CNTN4: variants seen among roughly 807,000 people sequenced by gnomAD.
CNTN4 encodes the protein contactin-4.
CNTN4 carries 77 observed loss-of-function variants against 122.5 expected under a neutral mutation model. The observed-to-expected ratio is 0.63, with a 90% CI of 0.52 to 0.76. The LOEUF (loss-of-function observed/expected upper bound fraction) is 0.76, where lower values mean the gene tolerates loss of function less well. Among genes scored for constraint, CNTN4 ranks in the 30% least tolerant of loss-of-function variants. CNTN4 has a pLI of 0.00. For synonymous variants in CNTN4, 512 were observed against 447.0 expected, an observed-to-expected ratio of 1.15 and a Z score of -1.83; for missense variants, 1,256 against 1,259.1, an observed-to-expected ratio of 1.00 and a Z score of 0.04.
intron 13 of CNTN4, among the ~76,000 whole-genome samples, chr3:2,987,317 A>G (rs1694670517): frequency 1.3e-5 from 2 of 152,224 alleles, no homozygotes; most frequent in East Asian, 1.9e-4. Flanking sequence ...TCAGAATGCA[A>G]TGGCAGAGCC....
At chr3:2,806,791 T>C (rs1487070192) in intron 6 of CNTN4, among the ~76,000 whole-genome samples, 1 of 152,148 alleles carries the variant, frequency 6.6e-6, no homozygotes, top group African/African-American at 2.4e-5. Context: ...CTTCACGTCC[T>C]TCTTGGCAGC....
At chr3:2,657,776 A>T (rs1171590825) in intron 4 of CNTN4, among the ~76,000 whole-genome samples, 1 of 151,932 alleles carries the variant, frequency 6.6e-6, no homozygotes, top group African/African-American at 2.4e-5. Context: ...TAGAGAAAAA[A>T]TATATATGTT....
chr3:2,557,624 G>T (rs925023263), intron 3 of CNTN4, among the ~76,000 whole-genome samples: 2 of 151,984 alleles, frequency 1.3e-5, no homozygotes, highest in Non-Finnish European at 2.9e-5. Flanking sequence ...AGCTACTCAG[G>T]AAGCTGAGGC....
At chr3:2,838,876 T>G (rs1050407330) in intron 7 of CNTN4, among the ~76,000 whole-genome samples, 1 of 152,178 alleles carries the variant, frequency 6.6e-6, no homozygotes, top group Non-Finnish European at 1.5e-5. Flanking sequence ...ACCGACCGCT[T>G]TTGCTTTTAT....
chr3:2,415,117 C>T (rs1425320412), intron 3 of CNTN4, among the ~76,000 whole-genome samples: 2 of 152,182 alleles, frequency 1.3e-5, no homozygotes, highest in Non-Finnish European at 1.5e-5. Flanking sequence ...GGTATTCTGA[C>T]TTCTCAGTTG....
At chr3:2,611,297 C>CAAAAAA (rs201162114) in intron 4 of CNTN4, among the ~76,000 whole-genome samples, 2 of 62,340 alleles carry the variant, frequency 3.2e-5, no homozygotes, top group Non-Finnish European at 5.7e-5. Flanking sequence ...CACCTGGAAC[C>CAAAAAA]AAAAAAAAAA....
intron 3 of CNTN4, among the ~76,000 whole-genome samples, chr3:2,559,278 G>A (rs1419124839): frequency 6.6e-6 from 1 of 152,136 alleles, no homozygotes; most frequent in East Asian, 1.9e-4. Context: ...TGCAGAGAAT[G>A]GCAAACTTCG....
chr3:2,227,657 T>G (rs1163873869), intron 2 of CNTN4, among the ~76,000 whole-genome samples: 1 of 152,000 alleles, frequency 6.6e-6, no homozygotes, highest in Non-Finnish European at 1.5e-5. Flanking sequence ...CAGAGAAGAG[T>G]GGCCAGCATG....
intron 14 of CNTN4, among the ~76,000 whole-genome samples, chr3:3,010,364 A>G (rs933867272): frequency 6.6e-6 from 1 of 151,924 alleles, no homozygotes; most frequent in African/African-American, 2.4e-5. Context: ...CTGCCAGTTT[A>G]GGATTCAGGG....
In CNTN4 at chr3:2,628,361, G is replaced by T. The variant is rs565695390; in HGVS notation, c.55+56803G>T. On this transcript the variant is annotated intron_variant, in intron 4 of 24. Transcript: ENST00000418658. ...GGAGGCCGTAGCTGTGTGTGTGTGA[G>T]CTGGAGTAGGACACCTTAAGGGAAA... Among the ~76,000 whole-genome samples the T allele has an allele frequency of 3.5e-4, 54 of 152,334 alleles. 1 individual carries two copies. Among genetic ancestry groups the T allele is most frequent in the Non-Finnish European group, 6.0e-4 (41 of 68,036 alleles).
intron 4 of CNTN4, among the ~76,000 whole-genome samples, chr3:2,638,608 G>C (rs948805708): frequency 1.3e-5 from 2 of 151,872 alleles, no homozygotes; most frequent in African/African-American, 4.8e-5. Flanking sequence ...CTCAAAAACT[G>C]TATCAGAGTG....
At chr3:2,443,151 A>G (rs1477014673) in intron 3 of CNTN4, among the ~76,000 whole-genome samples, 1 of 83,778 alleles carries the variant, frequency 1.2e-5, no homozygotes, top group Non-Finnish European at 3.3e-5. Flanking sequence ...TAAAAGTTAA[A>G]AAAAAAAAAA....
At chr3:2,327,367 C>G (rs2043507240) in intron 2 of CNTN4, among the ~76,000 whole-genome samples, 1 of 152,092 alleles carries the variant, frequency 6.6e-6, no homozygotes. Context: ...TTATTTCATC[C>G]TCCTTATGCT....
intron 3 of CNTN4, among the ~76,000 whole-genome samples, chr3:2,497,043 GC>G (rs2076471325): frequency 6.6e-6 from 1 of 152,138 alleles, no homozygotes; most frequent in African/African-American, 2.4e-5. Context: ...GGTGATGCCT[GC>G]CCACATTGAT....
chr3:2,189,807 T>A (rs1276126989), intron 2 of CNTN4, among the ~76,000 whole-genome samples: 1 of 152,188 alleles, frequency 6.6e-6, no homozygotes, highest in African/African-American at 2.4e-5. Context: ...TAACGAACTT[T>A]CAGTGAGTGA....
At chr3:2,962,789 T>A (rs1200693617) in intron 13 of CNTN4, among the ~76,000 whole-genome samples, 1 of 152,150 alleles carries the variant, frequency 6.6e-6, no homozygotes, top group African/African-American at 2.4e-5. Context: ...AACGGGAAAA[T>A]GGATACTGAG....
At chr3:2,287,673 G>T (rs2041965472) in intron 2 of CNTN4, among the ~76,000 whole-genome samples, 1 of 73,414 alleles carries the variant, frequency 1.4e-5, no homozygotes, top group Non-Finnish European at 3.0e-5. Flanking sequence ...AGAAGAAGAA[G>T]AAGAAGAAGA....
At chr3:2,812,399 G>T (rs1391803817) in intron 6 of CNTN4, among the ~76,000 whole-genome samples, 1 of 120,970 alleles carries the variant, frequency 8.3e-6, no homozygotes, top group Admixed American at 7.6e-5. Context: ...CTGAATCCAG[G>T]GTATAGTGCG....
At position 3,042,436 on chromosome 3, in the gene CNTN4, A is replaced by G. The variant is rs368362476; in HGVS notation, c.2511+14A>G. 11 of 1,525,164 alleles carry G rather than the reference A, an allele frequency of 7.2e-6. No individual in the cohort carries two copies. Among genetic ancestry groups the G allele is most frequent in the Admixed American group, 6.7e-5 (4 of 59,862 alleles). The allele number at this position is 1,525,164 out of a possible 1,614,324, so 94.5% of individuals were successfully genotyped here. A position where few individuals can be genotyped will look rare whatever the true frequency, so the allele number is the denominator to read the frequency against. Reference sequence around the variant, plus strand: ...CAAGGTTATGAGGTAGGCAAGACATATGTGCCTTGGGTCTGAAAGAGAGTC... The same window carrying G: ...CAAGGTTATGAGGTAGGCAAGACATGTGTGCCTTGGGTCTGAAAGAGAGTC... On this transcript the variant is annotated intron_variant, in intron 21 of 24. Coordinates refer to ENST00000418658, the MANE Select transcript of CNTN4 (RefSeq NM_175607.3).
Sources: allele counts gnomAD v4.1 joint callset (sites outside exome capture counted in the v4.1 genomes callset), GRCh38; gene constraint gnomAD v4.1.1; transcripts MANE v1.5; gene names NCBI Gene and HGNC (gene_info 2026-07-23, HGNC 2026-07-21).